ERN1: variants seen among roughly 807,000 people sequenced by gnomAD.
The protein encoded by ERN1 is serine/threonine-protein kinase/endoribonuclease IRE1.
ERN1 carries 39 observed loss-of-function variants against 113.1 expected under a neutral mutation model. That is an observed-to-expected ratio of 0.34 (90% CI 0.27 to 0.45). The LOEUF is 0.45. ERN1 is among the 20% of genes least tolerant of loss of function. The pLI, the probability that ERN1 is intolerant of heterozygous loss-of-function variation, is 1.00. For missense variants in ERN1, 976 were observed against 1,274.8 expected, an observed-to-expected ratio of 0.77 and a Z score of 3.57; for synonymous variants, 507 against 515.9, an observed-to-expected ratio of 0.98 and a Z score of 0.23.
chr17:64,087,550 T>C (rs766890329), intron 2 of ERN1, among the ~76,000 whole-genome samples: 1 of 152,136 alleles, frequency 6.6e-6, no homozygotes, highest in Admixed American at 6.5e-5. Context: ...ACTGTAAATG[T>C]TTTGGGTTGG....
chr17:64,048,376 G>A (rs1208675369), intron 18 of ERN1, among the ~76,000 whole-genome samples: 2 of 152,152 alleles, frequency 1.3e-5, no homozygotes, highest in Admixed American at 6.5e-5. Flanking sequence ...ATGCAATCAC[G>A]TCTAGATAAA....
intron 1 of ERN1, among the ~76,000 whole-genome samples, chr17:64,119,376 G>GTTTTTTTTTTTTT (rs3044073): frequency 9.0e-5 from 7 of 77,894 alleles, no homozygotes; most frequent in African/African-American, 1.7e-4. Flanking sequence ...TTTTTTCTAG[G>GTTTTTTTTTTTTT]TTTTTTTTTT....
chr17:64,086,729 C>T (rs535558776), intron 2 of ERN1, among the ~76,000 whole-genome samples: 29 of 143,582 alleles, frequency 2.0e-4, no homozygotes, highest in African/African-American at 6.5e-4. Context: ...AACCTGCAAC[C>T]TCCACCTCCT....
rs1179768098 is a variant in ERN1, at chr17:64,054,707, G to T, written c.1763+31C>A. 5 of 1,542,594 alleles carry T rather than the reference G, an allele frequency of 3.2e-6. No individual in the cohort carries two copies. Among genetic ancestry groups the T allele is most frequent in the Non-Finnish European group, 4.4e-6 (5 of 1,130,582 alleles). ...CTGACAGGCACTTAGACACCAGGCGGTGAGGGCAGGGGGCTGGCTAATCCA... is the reference window on the plus strand; with the variant it reads ...CTGACAGGCACTTAGACACCAGGCGTTGAGGGCAGGGGGCTGGCTAATCCA... On this transcript the variant is annotated intron_variant, in intron 14 of 21. Transcript: ENST00000433197. This position sits in a 1 kb window ranked among gnomAD's most constrained non-coding sequence, Gnocchi z 4.9.
chr17:64,103,789 G>A (rs1426019344), intron 1 of ERN1, among the ~76,000 whole-genome samples: 1 of 152,164 alleles, frequency 6.6e-6, no homozygotes, highest in Non-Finnish European at 1.5e-5. Context: ...TTTCAGTAAA[G>A]AGAATTATGG....
intron 2 of ERN1, among the ~76,000 whole-genome samples, chr17:64,090,020 G>A (rs62073078): frequency 1.3e-5 from 2 of 152,110 alleles, no homozygotes; most frequent in Non-Finnish European, 2.9e-5. Context: ...GCCCAATTAG[G>A]GAGTACTTCT....
chr17:64,053,956 A>T (rs1912770873), intron 15 of ERN1: 2 of 299,468 alleles, frequency 6.7e-6, no homozygotes, highest in Admixed American at 4.7e-5. Context: ...CTTTTTTTTA[A>T]TTTGACGGGG....
Position 64,063,937 on chromosome 17 carries a change from G to A in ERN1, c.1087+49C>T, listed in dbSNP as rs753433488. On this transcript the variant is annotated intron_variant, in intron 10 of 21. Coordinates refer to ENST00000433197, the MANE Select transcript of ERN1 (RefSeq NM_001433.5). This position sits in a 1 kb window ranked among gnomAD's most constrained non-coding sequence, Gnocchi z 5.1. The stretch of plus-strand genomic sequence containing the variant: ...TACCAGGGCCGGCGGTCGCCCACCA[G>A]GAGGCAGCACGCTGTCACCTCAGGC... 5.0e-6 allele frequency: 8 copies of A among 1,587,090 alleles called. No homozygotes were observed. In the Admixed American group the frequency reaches 1.2e-4, roughly 24 times the overall value.
chr17:64,128,889 T>C (rs1277147343), intron 1 of ERN1: 1 of 152,120 alleles, frequency 6.6e-6, no homozygotes, highest in Non-Finnish European at 1.5e-5. Flanking sequence ...TTACCTAAAA[T>C]GCAAAACCTC....
chr17:64,076,953 C>A (rs1289774077), intron 4 of ERN1, among the ~76,000 whole-genome samples: 3 of 152,190 alleles, frequency 2.0e-5, no homozygotes, highest in Non-Finnish European at 4.4e-5. Context: ...CTTCACTTCT[C>A]CAGGCTGTTT....
intron 16 of ERN1, 116 bp from the exon 17 acceptor site, chr17:64,053,095 C>G (rs902252043): frequency 1.0e-6 from 1 of 973,688 alleles, no homozygotes; most frequent in South Asian, 1.7e-5. Flanking sequence ...TCCAAATGTT[C>G]TGATTTTCAA....
At chr17:64,090,344 C>T (rs1849361676) in intron 2 of ERN1, among the ~76,000 whole-genome samples, 1 of 152,202 alleles carries the variant, frequency 6.6e-6, no homozygotes, top group Non-Finnish European at 1.5e-5. Context: ...ACTGCCCATA[C>T]TAAAAGCAGC....
intron 5 of ERN1, among the ~76,000 whole-genome samples, chr17:64,073,633 A>G (rs942360494): frequency 3.3e-5 from 5 of 152,142 alleles, no homozygotes; most frequent in Non-Finnish European, 5.9e-5. Flanking sequence ...CTGGGACTAC[A>G]AGCATGTGCT....
At chr17:64,099,277 A>ATTTTTT (rs11442464) in intron 1 of ERN1, among the ~76,000 whole-genome samples, 1 of 148,422 alleles carries the variant, frequency 6.7e-6, no homozygotes, top group African/African-American at 2.5e-5. Context: ...TACTGGACAG[A>ATTTTTT]TTTTTTTTTT....
intron 19 of ERN1, 83 bp from the exon 20 acceptor site, chr17:64,045,565 T>G: frequency 6.4e-7 from 1 of 1,574,694 alleles, no homozygotes; most frequent in Non-Finnish European, 8.7e-7. Flanking sequence ...TAACAGATCA[T>G]CACTGACACA....
rs374537176 is a variant in ERN1, at chr17:64,057,793, G to C, written c.1398+9C>G. The C allele has an allele frequency of 1.1e-4, 181 of 1,612,310 alleles. No individual in the cohort carries two copies. Among genetic ancestry groups the C allele is most frequent in the Non-Finnish European group, 1.5e-4 (175 of 1,179,212 alleles). ...AGGTGGATGGCAAAGGGGAATTGTT[G>C]AGCTTTACCAGGGGATAGGTGATGA... On this transcript the variant is annotated intron_variant, in intron 12 of 21. Coordinates refer to ENST00000433197, the MANE Select transcript of ERN1 (RefSeq NM_001433.5).
intron 4 of ERN1, 46 bp from the exon 5 acceptor site, chr17:64,075,293 T>C: frequency 7.0e-7 from 1 of 1,437,700 alleles, no homozygotes; most frequent in East Asian, 2.6e-5. Context: ...CCAAGTCTTG[T>C]GCAATTATTA....
chr17:64,098,263 T>G, intron 1 of ERN1, 22 bp from the exon 2 acceptor site: 1 of 1,613,746 alleles, frequency 6.2e-7, no homozygotes. Context: ...TGTAGAAGAC[T>G]CTTAATGTTG....
rs74912241 is a variant in ERN1, at chr17:64,054,385, A to G, written c.1818T>C (p.Phe606=). 25 of 1,601,120 alleles carry G rather than the reference A, an allele frequency of 1.6e-5. No homozygotes were observed. The African/African-American group carries it at 3.3e-4, about 21-fold the overall frequency. The change falls in exon 15 of 22, where the codon TTT becomes TTC. Residue 606 remains phenylalanine (F), a synonymous_variant. Transcript: ENST00000433197. The surrounding 1 kb of genome is among the most constrained non-coding windows in gnomAD (Gnocchi z 4.9). ...VAVKRILPEC[F]SFADREVQLL... Reference sequence around the variant, plus strand: ...GCTGGACCTCACGGTCTGCGAAGCTAAAACACTCGGGGAGGATCCTCTTCA... The same window carrying G: ...GCTGGACCTCACGGTCTGCGAAGCTGAAACACTCGGGGAGGATCCTCTTCA...
Sources: gnomAD v4.1 joint callset for allele counts (sites outside exome capture counted in the v4.1 genomes callset) on GRCh38, gnomAD v4.1.1 for gene constraint, Gnocchi (gnomAD v3.1) non-coding constraint, MANE v1.5 for transcripts, NCBI Gene and HGNC (gene_info 2026-07-23, HGNC 2026-07-21) for gene names.